The following PIK3C2G variants were observed in gnomAD, a reference collection of about 807,000 sequenced individuals.
PIK3C2G encodes the protein phosphatidylinositol-4-phosphate 3-kinase catalytic subunit type 2 gamma.
In PIK3C2G, 168 loss-of-function variants were observed where a neutral mutation model predicts 181.1. The observed-to-expected ratio is 0.93, with a 90% CI of 0.82 to 1.05. The LOEUF is 1.05. PIK3C2G is among the 50% of genes least tolerant of loss of function. PIK3C2G has a pLI of 0.00. For missense variants in PIK3C2G, 1,869 were observed against 1,732.8 expected, an observed-to-expected ratio of 1.08 and a Z score of -1.40; for synonymous variants, 573 against 592.2, an observed-to-expected ratio of 0.97 and a Z score of 0.47.
At chr12:18,682,982 G>A in the PIK3C2G span, among the ~76,000 whole-genome samples, 1 of 152,006 alleles carries the variant, frequency 6.6e-6, no homozygotes, top group African/African-American at 2.4e-5. Flanking sequence ...ATACAAGCCA[G>A]TTGAAAACAA....
chr12:18,620,336 A>C (rs180973900), intron 31 of PIK3C2G, among the ~76,000 whole-genome samples: 1 of 152,144 alleles, frequency 6.6e-6, no homozygotes, highest in Non-Finnish European at 1.5e-5. Flanking sequence ...TAAAATGAAC[A>C]TCTTTATTTC....
intron 24 of PIK3C2G, among the ~76,000 whole-genome samples, chr12:18,526,546 G>A (rs1943244964): frequency 6.6e-6 from 1 of 152,132 alleles, no homozygotes; most frequent in South Asian, 2.1e-4. Flanking sequence ...GAACCTGAGA[G>A]GGTACGATTT....
intron 28 of PIK3C2G, among the ~76,000 whole-genome samples, chr12:18,564,018 CAT>C (rs1346322065): frequency 6.6e-6 from 1 of 150,518 alleles, no homozygotes; most frequent in Non-Finnish European, 1.5e-5. Flanking sequence ...TATATCAATT[CAT>C]ATGTTACTAA....
chr12:18,326,329 T>C (rs1435840399), intron 8 of PIK3C2G, among the ~76,000 whole-genome samples: 2 of 152,192 alleles, frequency 1.3e-5, no homozygotes, highest in Non-Finnish European at 2.9e-5. Context: ...CATCATATTA[T>C]TACAGAATAT....
At chr12:18,675,846 A>T in the PIK3C2G span, among the ~76,000 whole-genome samples, 3 of 151,042 alleles carry the variant, frequency 2.0e-5, no homozygotes, top group Non-Finnish European at 4.4e-5. Flanking sequence ...GGTAAATAAT[A>T]GACACTAGGG....
At chr12:18,649,382 C>T (rs1950321553), downstream of PIK3C2G, among the ~76,000 whole-genome samples, 1 of 152,124 alleles carries the variant, frequency 6.6e-6, no homozygotes, top group Non-Finnish European at 1.5e-5. Flanking sequence ...GATCCCATCT[C>T]CTCTGACCTA....
intron 15 of PIK3C2G, among the ~76,000 whole-genome samples, chr12:18,398,649 TA>T (rs1016032382): frequency 5.3e-5 from 8 of 152,122 alleles, no homozygotes; most frequent in African/African-American, 1.9e-4. Flanking sequence ...CAAAACATGA[TA>T]AATTGTCAGC....
chr12:18,387,775 C>T (rs1338070376), intron 14 of PIK3C2G, among the ~76,000 whole-genome samples: 1 of 152,208 alleles, frequency 6.6e-6, no homozygotes, highest in African/African-American at 2.4e-5. Flanking sequence ...ATATCACAAA[C>T]ATCTAGCACA....
At chr12:18,415,831 T>G (rs1348500009) in intron 16 of PIK3C2G, among the ~76,000 whole-genome samples, 1 of 152,176 alleles carries the variant, frequency 6.6e-6, no homozygotes, top group Non-Finnish European at 1.5e-5. Context: ...CTCACAACAT[T>G]CTCTGAAGCC....
rs534675460 is a variant in PIK3C2G at position 18,635,475 on chromosome 12, A to G, written c.4183-4954A>G. Among the ~76,000 whole-genome samples, 8 of 152,310 alleles carry G rather than the reference A, an allele frequency of 5.3e-5. No individual in the cohort carries two copies. The South Asian group carries it at 1.5e-3, about 28-fold the overall frequency. On this transcript the variant is annotated intron_variant, in intron 31 of 32. Coordinates refer to ENST00000538779, the MANE Select transcript of PIK3C2G (RefSeq NM_001288772.2). The stretch of plus-strand genomic sequence containing the variant: ...CAATTCGTGATGGGCAACTCGGGGC[A>G]CACGGCGACATGGTGGCCCACGGTT...
chr12:18,443,786 T>C (rs1287972485), intron 18 of PIK3C2G, among the ~76,000 whole-genome samples: 2 of 152,150 alleles, frequency 1.3e-5, no homozygotes, highest in African/African-American at 4.8e-5. Context: ...ACTTTAATAA[T>C]TGTTGTATAT....
chr12:18,539,912 T>C lies in PIK3C2G; in HGVS notation c.3480+1600T>C, dbSNP rs544357943. Among the ~76,000 whole-genome samples, 7 of 152,030 alleles carry C rather than the reference T, an allele frequency of 4.6e-5. No individual in the cohort carries two copies. The South Asian group carries it at 1.2e-3, about 27-fold the overall frequency. The stretch of plus-strand genomic sequence containing the variant: ...TTTCAGTAATAGCCAAGGATTCTTA[T>C]TGGTAAATTTGCATTCTATCTCCCA... On this transcript the variant is annotated intron_variant, in intron 25 of 32. Coordinates refer to ENST00000538779, the MANE Select transcript of PIK3C2G (RefSeq NM_001288772.2).
intron 5 of PIK3C2G, among the ~76,000 whole-genome samples, chr12:18,296,796 T>C (rs1389180526): frequency 6.6e-6 from 1 of 152,034 alleles, no homozygotes; most frequent in African/African-American, 2.4e-5. Context: ...ATACAATATA[T>C]AATGAACACA....
At chr12:18,383,602 T>C (rs1476906183) in intron 14 of PIK3C2G, among the ~76,000 whole-genome samples, 27 of 152,170 alleles carry the variant, frequency 1.8e-4, no homozygotes, top group Non-Finnish European at 1.2e-4. Flanking sequence ...TTTCAAAATA[T>C]GGCAAGTTAG....
At chr12:18,659,344 C>G in the PIK3C2G span, among the ~76,000 whole-genome samples, 1 of 152,082 alleles carries the variant, frequency 6.6e-6, no homozygotes, top group Non-Finnish European at 1.5e-5. Flanking sequence ...CTGCCCACAG[C>G]CATACGCTTG....
intron 22 of PIK3C2G, among the ~76,000 whole-genome samples, chr12:18,500,185 T>A (rs1343452074): frequency 6.6e-6 from 1 of 152,084 alleles, no homozygotes. Flanking sequence ...GCCCAGTGCT[T>A]GCCGGCCGGC....
At chr12:18,431,460 A>C (rs1286973790) in intron 18 of PIK3C2G, among the ~76,000 whole-genome samples, 2 of 152,210 alleles carry the variant, frequency 1.3e-5, no homozygotes, top group African/African-American at 4.8e-5. Context: ...TCCAAATAAA[A>C]GCAGAGAGGC....
chr12:18,649,063 G>A (rs115042484), downstream of PIK3C2G, among the ~76,000 whole-genome samples: 2,555 of 152,014 alleles, frequency 0.017, 73 homozygotes, highest in African/African-American at 0.058. Flanking sequence ...TTTGAAATAC[G>A]TGATCATGCA....
intron 16 of PIK3C2G, among the ~76,000 whole-genome samples, chr12:18,416,270 A>AGAAAG (rs1193856823): frequency 1.3e-5 from 2 of 152,138 alleles, no homozygotes; most frequent in East Asian, 3.9e-4. Context: ...AGAAAAGAAA[A>AGAAAG]GAAGGAAGGA....
Sources: allele counts gnomAD v4.1 joint callset (sites outside exome capture counted in the v4.1 genomes callset), GRCh38; gene constraint gnomAD v4.1.1; transcripts MANE v1.5; gene names NCBI Gene and HGNC (gene_info 2026-07-23, HGNC 2026-07-21).